MTUS2: variants seen among roughly 807,000 people sequenced by gnomAD.
MTUS2 encodes the protein microtubule associated scaffold protein 2.
Under a neutral mutation model 114.1 loss-of-function variants are expected in MTUS2, and 40 were observed. The ratio of observed to expected loss-of-function variants is 0.35; its 90% CI spans 0.27 to 0.46. The LOEUF is 0.46. Ranked by LOEUF, MTUS2 falls within the 20% of genes least tolerant of loss-of-function variation. The pLI is 1.00. For missense variants in MTUS2, 1,679 were observed against 1,705.4 expected, an observed-to-expected ratio of 0.98 and a Z score of 0.27; for synonymous variants, 688 against 672.0, an observed-to-expected ratio of 1.02 and a Z score of -0.37.
intron 5 of MTUS2, among the ~76,000 whole-genome samples, chr13:29,202,558 A>G (rs1452143866): frequency 6.6e-6 from 1 of 151,886 alleles, no homozygotes; most frequent in Non-Finnish European, 1.5e-5. Flanking sequence ...GCTGGCGAGG[A>G]GTTGTGATCC....
chr13:28,873,883 G>T (rs1877772216), intron 2 of MTUS2, among the ~76,000 whole-genome samples: 1 of 152,146 alleles, frequency 6.6e-6, no homozygotes, highest in African/African-American at 2.4e-5. Flanking sequence ...TCCTGTAAAA[G>T]TTCCAAGTGA....
At position 29,267,327 on chromosome 13, in the gene MTUS2, G is replaced by A. The variant is rs1234510964; in HGVS notation, c.2645-14377G>A. On this transcript the variant is annotated intron_variant, in intron 5 of 15. Coordinates refer to ENST00000612955, the MANE Select transcript of MTUS2 (RefSeq NM_001033602.4). ...TCCTCCAAGAGGTCCTCCCAACCACGCCTTCCAAAGTGGGTTTCCCCTCGT... is the reference window on the plus strand; with the variant it reads ...TCCTCCAAGAGGTCCTCCCAACCACACCTTCCAAAGTGGGTTTCCCCTCGT... Among the ~76,000 whole-genome samples, 6 of 152,172 alleles carry A rather than the reference G, an allele frequency of 3.9e-5. No homozygotes were observed. In the East Asian group the frequency reaches 9.6e-4, roughly 24 times the overall value.
chr13:28,872,543 A>G (rs1051388479), intron 2 of MTUS2, among the ~76,000 whole-genome samples: 3 of 152,162 alleles, frequency 2.0e-5, no homozygotes, highest in African/African-American at 7.2e-5. Context: ...GCATCTGGTG[A>G]GAGTCTCAGG....
chr13:29,228,775 A>C (rs1487597292), intron 5 of MTUS2, among the ~76,000 whole-genome samples: 2 of 152,194 alleles, frequency 1.3e-5, no homozygotes, highest in African/African-American at 2.4e-5. Context: ...CATCCCTTTT[A>C]TATCATTACA....
chr13:28,994,799 T>C (rs918477869), intron 2 of MTUS2, among the ~76,000 whole-genome samples: 31 of 152,298 alleles, frequency 2.0e-4, no homozygotes, highest in Admixed American at 2.0e-3. Context: ...TTCTGGATAT[T>C]AGCCCTTTGT....
At chr13:28,991,156 T>G (rs929389250) in intron 2 of MTUS2, among the ~76,000 whole-genome samples, 1 of 152,188 alleles carries the variant, frequency 6.6e-6, no homozygotes, top group African/African-American at 2.4e-5. Flanking sequence ...AGGGCTAGAC[T>G]TTTAAGAATT....
At chr13:28,822,734 AC>A (rs1427826791) in intron 1 of MTUS2, among the ~76,000 whole-genome samples, 5 of 150,852 alleles carry the variant, frequency 3.3e-5, no homozygotes, top group African/African-American at 7.3e-5. Context: ...CTATATTCCC[AC>A]CCCCCAATTA....
intron 4 of MTUS2, among the ~76,000 whole-genome samples, chr13:29,089,467 T>C (rs1261276328): frequency 2.0e-5 from 3 of 152,102 alleles, no homozygotes; most frequent in African/African-American, 7.2e-5. Context: ...TTCACAGGGG[T>C]CCTCTGAAGT....
intron 5 of MTUS2, among the ~76,000 whole-genome samples, chr13:29,258,202 G>A (rs1897342968): frequency 6.6e-6 from 1 of 152,164 alleles, no homozygotes; most frequent in South Asian, 2.1e-4. Context: ...ATCCACTTCT[G>A]AGCTCATTCA....
Position 29,505,191 on chromosome 13 carries a change from C to T in MTUS2, c.*1985C>T, listed in dbSNP as rs1346753221. 7 of 232,002 alleles carry T rather than the reference C, an allele frequency of 3.0e-5. No individual in the cohort carries two copies. Among genetic ancestry groups the T allele is most frequent in the South Asian group, 1.8e-4 (1 of 5,514 alleles). 14.4% of individuals were successfully genotyped at this position (232,002 alleles called of 1,614,324 possible). A position where few individuals can be genotyped will look rare whatever the true frequency, so the allele number is the denominator to read the frequency against. Reference sequence around the variant, plus strand: ...GTATTTATTCTAGTAGCAGGCACAACCTGCAAACACAAATTCAGTTACAGC... The same window carrying T: ...GTATTTATTCTAGTAGCAGGCACAATCTGCAAACACAAATTCAGTTACAGC... On this transcript the variant is annotated 3_prime_UTR_variant, in exon 16 of 16. Coordinates refer to ENST00000612955, the MANE Select transcript of MTUS2 (RefSeq NM_001033602.4).
Position 29,380,633 on chromosome 13 carries a change from C to CTT in MTUS2, c.3117+21161_3117+21162insTT, listed in dbSNP as rs145263787. Among the ~76,000 whole-genome samples, 48 of 72,126 alleles carry CTT rather than the reference C, an allele frequency of 6.7e-4. 4 individuals are homozygous for CTT. Among genetic ancestry groups the CTT allele is most frequent in the Middle Eastern group, 5.5e-3 (1 of 182 alleles). 47.3% of individuals were successfully genotyped at this position (72,126 alleles called of 152,430 possible). A position where few individuals can be genotyped will look rare whatever the true frequency, so the allele number is the denominator to read the frequency against. ...TATCAGTGAAGATAAAAGACATCAG[C>CTT]TGGCCGGGCGCGGTGGCTCACGCCT... On this transcript the variant is annotated intron_variant, in intron 8 of 15. Transcript: ENST00000612955.
At chr13:28,935,822 C>T (rs756006878) in intron 2 of MTUS2, among the ~76,000 whole-genome samples, 59 of 151,970 alleles carry the variant, frequency 3.9e-4, no homozygotes, top group Non-Finnish European at 6.8e-4. Flanking sequence ...GATCATAACT[C>T]ACTGCGGCCT....
In MTUS2 at chr13:29,260,123, G is replaced by A. The variant is rs536073184; in HGVS notation, c.2645-21581G>A. 5.6e-4 allele frequency among the ~76,000 whole-genome samples: 86 copies of A among 152,284 alleles called. 1 individual carries two copies. The South Asian group carries it at 6.0e-3, about 11-fold the overall frequency. On this transcript the variant is annotated intron_variant, in intron 5 of 15. Coordinates refer to ENST00000612955, the MANE Select transcript of MTUS2 (RefSeq NM_001033602.4). ...AAACTGTTTATTTCTCTATGCCATA[G>A]GATGCTTTCAGTGAATGAAATCTTC...
chr13:29,427,522 G>A (rs1876638998), intron 8 of MTUS2, among the ~76,000 whole-genome samples: 1 of 152,144 alleles, frequency 6.6e-6, no homozygotes, highest in African/African-American at 2.4e-5. Flanking sequence ...ATTTTGATAG[G>A]TACAGCCAAG....
At position 29,071,041 on chromosome 13, in the gene MTUS2, G is replaced by A. The variant is rs1190063938; in HGVS notation, c.2447-29732G>A. ...TTTTTTTGAGACAGAGTCTCATTCTGTCGCCCAGGCTGGAGTGTAGTGGTG... is the reference window on the plus strand; with the variant it reads ...TTTTTTTGAGACAGAGTCTCATTCTATCGCCCAGGCTGGAGTGTAGTGGTG... On this transcript the variant is annotated intron_variant, in intron 4 of 15. Transcript: ENST00000612955. Among the ~76,000 whole-genome samples the A allele has an allele frequency of 4.7e-5, 7 of 148,756 alleles. No individual in the cohort carries two copies. The East Asian group carries it at 1.0e-3, about 21-fold the overall frequency.
At chr13:29,099,387 G>A (rs907773384) in intron 4 of MTUS2, among the ~76,000 whole-genome samples, 1 of 152,160 alleles carries the variant, frequency 6.6e-6, no homozygotes, top group Admixed American at 6.5e-5. Flanking sequence ...CCACAGCTGT[G>A]CAGCTTCTGC....
At chr13:29,424,598 C>A (rs569605025) in intron 8 of MTUS2, among the ~76,000 whole-genome samples, 7 of 152,120 alleles carry the variant, frequency 4.6e-5, no homozygotes, top group African/African-American at 1.4e-4. Flanking sequence ...ATTGGAACAC[C>A]CAGACACAGT....
At chr13:29,456,755 T>G (rs1879134359) in intron 9 of MTUS2, among the ~76,000 whole-genome samples, 1 of 152,206 alleles carries the variant, frequency 6.6e-6, no homozygotes. Context: ...CAGAATTCTA[T>G]ATCTTGAGAA....
chr13:29,104,583 T>C (rs577536006), intron 5 of MTUS2, among the ~76,000 whole-genome samples: 91 of 152,236 alleles, frequency 6.0e-4, no homozygotes, highest in Non-Finnish European at 1.1e-3. Context: ...TGAGTTCAGA[T>C]TGCCTCCTTG....
Sources: allele counts gnomAD v4.1 joint callset (sites outside exome capture counted in the v4.1 genomes callset), GRCh38; gene constraint gnomAD v4.1.1; transcripts MANE v1.5; gene names NCBI Gene and HGNC (gene_info 2026-07-23, HGNC 2026-07-21).